Variants in DHRSX observed in about 807,000 individuals in gnomAD.
The protein encoded by DHRSX is polyprenol dehydrogenase.
A neutral mutation model predicts 34.0 loss-of-function variants in DHRSX; 31 were observed. That is an observed-to-expected ratio of 0.91 (90% CI 0.69 to 1.23). The LOEUF (loss-of-function observed/expected upper bound fraction) is 1.23. Ranked by LOEUF, DHRSX falls within the 50% of genes most tolerant of loss-of-function variation. DHRSX has a pLI of 0.00. For synonymous variants in DHRSX, 201 were observed against 183.8 expected, an observed-to-expected ratio of 1.09 and a Z score of -0.76; for missense variants, 414 against 428.1, an observed-to-expected ratio of 0.97 and a Z score of 0.29.
intron 3 of DHRSX, among the ~76,000 whole-genome samples, chrX:2,378,472 T>C (rs1458502256): frequency 2.0e-5 from 3 of 152,074 alleles, no homozygotes; most frequent in Non-Finnish European, 4.4e-5. Flanking sequence ...AACGTCAAGA[T>C]GACGAGGATG....
intron 1 of DHRSX, among the ~76,000 whole-genome samples, chrX:2,495,999 C>T (rs1004271027): frequency 2.6e-5 from 4 of 152,096 alleles, no homozygotes; most frequent in African/African-American, 9.7e-5. Context: ...CACTCTTCTC[C>T]CTAGGTTTTT....
chrX:2,236,147 C>T (rs958169089), intron 6 of DHRSX, among the ~76,000 whole-genome samples: 24 of 151,870 alleles, frequency 1.6e-4, no homozygotes, highest in Admixed American at 5.3e-4. Flanking sequence ...TAAATAAATC[C>T]GCACCTGTAC....
chrX:2,463,220 G>A (rs2044427574), intron 1 of DHRSX, among the ~76,000 whole-genome samples: 1 of 152,102 alleles, frequency 6.6e-6, no homozygotes, highest in African/African-American at 2.4e-5. Flanking sequence ...AGAGGCTGTG[G>A]CAGGAGAATC....
At chrX:2,318,555 G>T (rs1220944849) in intron 3 of DHRSX, among the ~76,000 whole-genome samples, 1 of 143,304 alleles carries the variant, frequency 7.0e-6, no homozygotes, top group African/African-American at 2.9e-5. Flanking sequence ...TAACTCTAAT[G>T]CATTCGCTGC....
chrX:2,498,143 T>G (rs1351578048), intron 1 of DHRSX, among the ~76,000 whole-genome samples: 1 of 152,172 alleles, frequency 6.6e-6, no homozygotes, highest in Non-Finnish European at 1.5e-5. Flanking sequence ...ATTTCTTCCT[T>G]CTCATACCAT....
chrX:2,421,509 C>A (rs993989578), intron 2 of DHRSX, among the ~76,000 whole-genome samples: 3 of 152,190 alleles, frequency 2.0e-5, no homozygotes, highest in Admixed American at 1.3e-4. Flanking sequence ...CTGACATGGA[C>A]CACGCATCTC....
At chrX:2,232,863 T>C (rs1192109661) in intron 6 of DHRSX, among the ~76,000 whole-genome samples, 6 of 152,058 alleles carry the variant, frequency 3.9e-5, no homozygotes, top group African/African-American at 1.2e-4. Flanking sequence ...TGAGCCATCG[T>C]GCCCGACCCA....
chrX:2,257,042 C>A (rs1213976396), intron 5 of DHRSX, among the ~76,000 whole-genome samples: 1 of 152,136 alleles, frequency 6.6e-6, no homozygotes, highest in African/African-American at 2.4e-5. Flanking sequence ...CTCTGCCTTT[C>A]GAGTCCCAGT....
chrX:2,304,338 CTGATGGATGGAT>C, intron 3 of DHRSX, among the ~76,000 whole-genome samples: 1 of 84,572 alleles, frequency 1.2e-5, no homozygotes, highest in South Asian at 3.7e-4. Context: ...GATGGATGAA[CTGATGGATGGAT>C]GGATGGATGG....
In DHRSX at chrX:2,451,006, C is replaced by G. The variant is rs1303834734; in HGVS notation, c.110-25702G>C. 2.0e-5 allele frequency among the ~76,000 whole-genome samples: 3 copies of G among 151,978 alleles called. 1 individual carries two copies. Among genetic ancestry groups the G allele is most frequent in the Admixed American group, 2.0e-4 (3 of 15,258 alleles). On this transcript the variant is annotated intron_variant, in intron 1 of 6. Coordinates refer to ENST00000334651, the MANE Select transcript of DHRSX (RefSeq NM_145177.3). ...CATCTATGAACCAGGAAGTGGGTCCCCACCAGACACTGAATCCGCCACGAT... is the reference window on the plus strand; with the variant it reads ...CATCTATGAACCAGGAAGTGGGTCCGCACCAGACACTGAATCCGCCACGAT...
intron 3 of DHRSX, among the ~76,000 whole-genome samples, chrX:2,347,488 G>A (rs767130687): frequency 7.9e-5 from 12 of 152,322 alleles, no homozygotes; most frequent in Non-Finnish European, 1.6e-4. Context: ...GAGCTCAGGA[G>A]TTCAAGACCA....
At chrX:2,477,696 T>G (rs1040034480) in intron 1 of DHRSX, among the ~76,000 whole-genome samples, 11 of 151,922 alleles carry the variant, frequency 7.2e-5, no homozygotes, top group African/African-American at 2.7e-4. Flanking sequence ...AAATATAAAA[T>G]TAGCCGAGCG....
intron 3 of DHRSX, among the ~76,000 whole-genome samples, chrX:2,309,354 A>C (rs754852239): frequency 6.6e-6 from 1 of 152,300 alleles, no homozygotes; most frequent in African/African-American, 2.4e-5. Flanking sequence ...ATAGCAGAAG[A>C]AATTTGCTAG....
chrX:2,430,405 G>A (rs981206807), intron 1 of DHRSX, among the ~76,000 whole-genome samples: 5 of 152,022 alleles, frequency 3.3e-5, no homozygotes, highest in African/African-American at 9.7e-5. Context: ...AGACACCCCC[G>A]CACACAACAG....
At chrX:2,500,111 C>G (rs1425253136) in intron 1 of DHRSX, among the ~76,000 whole-genome samples, 3 of 152,228 alleles carry the variant, frequency 2.0e-5, no homozygotes, top group African/African-American at 7.2e-5. Context: ...GCGGTCATCA[C>G]TGATGAGTTC....
intron 6 of DHRSX, 86 bp downstream of exon 6, chrX:2,242,937 C>A: frequency 7.5e-7 from 1 of 1,326,940 alleles, no homozygotes; most frequent in Non-Finnish European, 1.1e-6. Context: ...GATCCAAGAA[C>A]CCTCCCTTGG....
chrX:2,232,488 G>A (rs1347817134), intron 6 of DHRSX, among the ~76,000 whole-genome samples: 2 of 152,092 alleles, frequency 1.3e-5, no homozygotes, highest in Non-Finnish European at 2.9e-5. Context: ...TAGCACTCAA[G>A]AGAATGGGCC....
At chrX:2,305,934 A>G (rs1670117709) in intron 3 of DHRSX, among the ~76,000 whole-genome samples, 1 of 152,082 alleles carries the variant, frequency 6.6e-6, no homozygotes, top group Non-Finnish European at 1.5e-5. Context: ...GCACGTCTAT[A>G]CCTATATAAC....
chrX:2,395,708 T>C (rs927253702), intron 3 of DHRSX, among the ~76,000 whole-genome samples: 18 of 151,980 alleles, frequency 1.2e-4, no homozygotes, highest in Non-Finnish European at 2.5e-4. Flanking sequence ...GACACACGCA[T>C]GTTCAGGGTC....
Sources: allele counts gnomAD v4.1 joint callset (sites outside exome capture counted in the v4.1 genomes callset), GRCh38; gene constraint gnomAD v4.1.1; transcripts MANE v1.5; gene names NCBI Gene and HGNC (gene_info 2026-07-23, HGNC 2026-07-21).